The following PTGES3 variants were observed in gnomAD, a reference collection of about 807,000 sequenced individuals.
PTGES3 encodes the protein Hsp90 co-chaperone.
Under a neutral mutation model 29.9 loss-of-function variants are expected in PTGES3, and 5 were observed. The observed-to-expected ratio is 0.17, with a 90% confidence interval of 0.09 to 0.35. The LOEUF (loss-of-function observed/expected upper bound fraction) is 0.35. Ranked by LOEUF, PTGES3 falls within the 10% of genes least tolerant of loss-of-function variation. PTGES3 has a pLI of 1.00. For missense variants in PTGES3, 128 were observed against 190.0 expected, an observed-to-expected ratio of 0.67 and a Z score of 1.92; for synonymous variants, 49 against 57.8, an observed-to-expected ratio of 0.85 and a Z score of 0.69.
At chr12:56,685,786 T>C (rs993149191) in intron 1 of PTGES3, among the ~76,000 whole-genome samples, 7 of 143,166 alleles carry the variant, frequency 4.9e-5, no homozygotes, top group Non-Finnish European at 9.2e-5. Flanking sequence ...TTTTTTTTTT[T>C]TTTTTTTTGA....
At chr12:56,680,133 G>A (rs1221999395) in intron 1 of PTGES3, among the ~76,000 whole-genome samples, 4 of 149,962 alleles carry the variant, frequency 2.7e-5, no homozygotes, top group East Asian at 1.9e-4. Context: ...GTGCAATGGC[G>A]CGATCACAGC....
chr12:56,672,835 T>C, intron 2 of PTGES3, 26 bp from the exon 3 acceptor site: 1 of 1,563,794 alleles, frequency 6.4e-7, no homozygotes, highest in African/African-American at 1.4e-5. Context: ...AAGAAAGAAT[T>C]AAGCCTCTTC....
At chr12:56,677,248 CAAA>C (rs35136696) in intron 1 of PTGES3, among the ~76,000 whole-genome samples, 10 of 110,050 alleles carry the variant, frequency 9.1e-5, no homozygotes, top group Admixed American at 2.9e-4. Context: ...CCGCACCACC[CAAA>C]AAAAAAAAAA....
At chr12:56,681,090 TTTTG>T (rs574353624) in intron 1 of PTGES3, among the ~76,000 whole-genome samples, 113 of 152,108 alleles carry the variant, frequency 7.4e-4, no homozygotes, top group African/African-American at 2.5e-3. Context: ...TGTAGTTGTG[TTTTG>T]TTTTTTTGTT....
chr12:56,665,200 A>C, intron 6 of PTGES3: 1 of 984,992 alleles, frequency 1.0e-6, no homozygotes, highest in South Asian at 4.7e-5. Flanking sequence ...ACTTTCTGGG[A>C]GATGTTAACA....
At chr12:56,669,961 T>A (rs1344495355) in intron 5 of PTGES3, among the ~76,000 whole-genome samples, 4 of 122,362 alleles carry the variant, frequency 3.3e-5, no homozygotes, top group East Asian at 2.5e-4. Flanking sequence ...ACTACTGCAA[T>A]CATGCTTTAA....
At chr12:56,669,031 A>T (rs1265115124) in intron 5 of PTGES3, among the ~76,000 whole-genome samples, 1 of 17,248 alleles carries the variant, frequency 5.8e-5, no homozygotes, top group Admixed American at 7.6e-4. Flanking sequence ...TTTTTTGGAG[A>T]CAGAGTCTTG....
rs758207497 is a variant in PTGES3 at position 56,673,484 on chromosome 12, G to GAAAAAAAA, written c.3-420_3-419insTTTTTTTT. On this transcript the variant is annotated intron_variant, in intron 1 of 7. Transcript: ENST00000262033. The stretch of plus-strand genomic sequence containing the variant: ...CCGACTCTACTACAAATACAAATAC[G>GAAAAAAAA]GAAAAAAAAAAAAAAAAAAAAAAAA... Among the ~76,000 whole-genome samples the GAAAAAAAA allele has an allele frequency of 4.1e-4, 15 of 36,846 alleles. 6 individuals are homozygous for GAAAAAAAA. Among genetic ancestry groups the GAAAAAAAA allele is most frequent in the African/African-American group, 9.3e-4 (15 of 16,096 alleles). 24.2% of individuals were successfully genotyped at this position (36,846 alleles called of 152,430 possible).
At chr12:56,686,607 C>T (rs1952870604) in intron 1 of PTGES3, among the ~76,000 whole-genome samples, 1 of 151,992 alleles carries the variant, frequency 6.6e-6, no homozygotes, top group Non-Finnish European at 1.5e-5. Context: ...GAACTCCCGA[C>T]CTCAGGTGAT....
chr12:56,670,862 T>C (rs926617229), intron 4 of PTGES3: 4 of 153,812 alleles, frequency 2.6e-5, no homozygotes, highest in Admixed American at 1.3e-4. Context: ...ACACTTTGGG[T>C]GGCCAAGGTG....
intron 6 of PTGES3, chr12:56,665,469 A>G (rs1951751317): frequency 5.3e-6 from 5 of 941,926 alleles, no homozygotes; most frequent in Non-Finnish European, 6.3e-6. Flanking sequence ...TAATTTTTGT[A>G]TTTTTAGTAG....
chr12:56,669,905 G>A (rs1231458229), intron 5 of PTGES3, among the ~76,000 whole-genome samples: 8 of 150,722 alleles, frequency 5.3e-5, no homozygotes, highest in Admixed American at 2.7e-4. Flanking sequence ...CACCGTGCCC[G>A]GCCAAAAGTT....
chr12:56,683,953 G>T (rs1952699629), intron 1 of PTGES3, among the ~76,000 whole-genome samples: 1 of 111,558 alleles, frequency 9.0e-6, no homozygotes. Context: ...GCGAAACTCC[G>T]TCTCAAAAAA....
chr12:56,686,177 C>T (rs952150048), intron 1 of PTGES3, among the ~76,000 whole-genome samples: 1 of 152,086 alleles, frequency 6.6e-6, no homozygotes, highest in East Asian at 1.9e-4. Context: ...GCTTCTACTT[C>T]AAGCCAATTT....
chr12:56,684,678 C>G (rs1032939264), intron 1 of PTGES3, among the ~76,000 whole-genome samples: 12 of 152,192 alleles, frequency 7.9e-5, no homozygotes, highest in Middle Eastern at 3.4e-3. Flanking sequence ...TTTAATCGGT[C>G]GAACGACAAT....
At chr12:56,675,026 A>AAAAAAAG in intron 1 of PTGES3, among the ~76,000 whole-genome samples, 1 of 145,198 alleles carries the variant, frequency 6.9e-6, no homozygotes, top group African/African-American at 2.6e-5. Context: ...AAAAAAAAAA[A>AAAAAAAG]AGTGCTGGTT....
At chr12:56,673,310 T>C (rs1409693250) in intron 1 of PTGES3, among the ~76,000 whole-genome samples, 1 of 151,856 alleles carries the variant, frequency 6.6e-6, no homozygotes, top group East Asian at 1.9e-4. Flanking sequence ...TTAGTAGAGT[T>C]AGCCGTTTAT....
intron 1 of PTGES3, among the ~76,000 whole-genome samples, chr12:56,685,404 T>TC (rs1460849091): frequency 2.2e-4 from 6 of 27,032 alleles, no homozygotes; most frequent in Middle Eastern, 0.016. Context: ...CTTTTCTTTT[T>TC]TTTTTTTTTT....
intron 4 of PTGES3, among the ~76,000 whole-genome samples, chr12:56,671,060 T>C (rs1376811647): frequency 6.6e-6 from 1 of 151,964 alleles, no homozygotes; most frequent in Non-Finnish European, 1.5e-5. Flanking sequence ...CAGTGAGCCA[T>C]GTTCACACCA....
Sources: gnomAD v4.1 joint callset for allele counts (sites outside exome capture counted in the v4.1 genomes callset) on GRCh38, gnomAD v4.1.1 for gene constraint, MANE v1.5 for transcripts, NCBI Gene and HGNC (gene_info 2026-07-23, HGNC 2026-07-21) for gene names.